Variants in ZNF683 observed in about 807,000 individuals in gnomAD.
ZNF683 encodes zinc finger protein 683.
A neutral mutation model predicts 31.4 loss-of-function variants in ZNF683; 20 were observed. The observed-to-expected ratio is 0.64, with a 90% CI of 0.45 to 0.93. ZNF683 has a LOEUF of 0.93. Ranked by LOEUF, ZNF683 falls within the 40% of genes least tolerant of loss-of-function variation. The pLI, the probability that ZNF683 is intolerant of heterozygous loss-of-function variation, is 0.00. For missense variants in ZNF683, 621 were observed against 637.2 expected (o/e 0.97, Z 0.27); for synonymous variants, 264 against 267.6 (o/e 0.99, Z 0.13).
chr1:26,363,892 C>G (rs7540204), intron 4 of ZNF683, among the ~76,000 whole-genome samples: 45,212 of 152,166 alleles, frequency 0.3, 7,323 homozygotes, highest in Non-Finnish European at 0.36. Flanking sequence ...CCTGCAGGAT[C>G]CAGCAGGGCT....
In ZNF683 at chr1:26,367,732, C is replaced by T; in HGVS notation, c.180G>A (p.Trp60Ter). The change falls in exon 3 of 6, where the codon TGG becomes TGA. Residue 60 changes from tryptophan (W) to a stop codon, truncating the protein, a stop_gained. Transcript: ENST00000349618. LOFTEE classifies it high-confidence loss of function. ...VDAHGPSCAS[W>*]LCPLPLAPGR... ...CCGGTGCCAGGGGCAAGGGACACAG[C>T]CAGCTGGCACAGGATGGGCCATGAG... 1 of 1,609,842 alleles carries T rather than the reference C, an allele frequency of 6.2e-7. No homozygotes were observed. Among genetic ancestry groups the T allele is most frequent in the South Asian group, 1.1e-5 (1 of 90,406 alleles).
rs1557735535 is a variant in ZNF683, at chr1:26,364,798, A to C, written c.748T>G (p.Trp250Gly). 1 of 1,290,152 alleles carries C rather than the reference A, an allele frequency of 7.8e-7. No individual in the cohort carries two copies. The highest frequency in any genetic ancestry group is 2.0e-5 in the Admixed American group (1 of 51,072). 79.9% of individuals were successfully genotyped at this position (1,290,152 alleles called of 1,614,324 possible). A position where few individuals can be genotyped will look rare whatever the true frequency, so the allele number is the denominator to read the frequency against. The change falls in exon 4 of 6, where the codon TGG becomes GGG. Residue 250 changes from tryptophan (W) to glycine (G), a missense_variant. Trp to Gly is a radical substitution (Grantham distance 184). Transcript: ENST00000349618. ...CCTGGGTAGGGAAGCAGGGTCTCCC[A>C]CCGAGCGCTGGGGTGCCCCAGCTCA... ...VNELGHPSAR[W>G]ETLLPYPGAF...
At chr1:26,364,196 G>C (rs906056091) in intron 4 of ZNF683, among the ~76,000 whole-genome samples, 2 of 152,234 alleles carry the variant, frequency 1.3e-5, no homozygotes, top group African/African-American at 4.8e-5. Context: ...GTCCAGGTAA[G>C]GGCTTTCTTT....
At chr1:26,370,306 T>C (rs929084020) in intron 1 of ZNF683, among the ~76,000 whole-genome samples, 13 of 152,102 alleles carry the variant, frequency 8.5e-5, no homozygotes, top group Admixed American at 3.9e-4. Flanking sequence ...CTCAGCGCTC[T>C]CACCAGGAAT....
chr1:26,368,405 CCTCCTACTATAAGCAGA>C (rs546583017), intron 2 of ZNF683, 36 bp downstream of exon 2: 119 of 1,483,834 alleles, frequency 8.0e-5, no homozygotes, highest in Middle Eastern at 5.4e-4. Flanking sequence ...CCTAATGTCA[CCTCCTACTATAAGCAGA>C]CTACCCACAA....
At position 26,365,051 on chromosome 1, in the gene ZNF683, C is replaced by A. The variant is rs1209847582; in HGVS notation, c.495G>T (p.Lys165Asn). The change falls in exon 4 of 6, where the codon AAG becomes AAT. Residue 165 changes from lysine to asparagine, a missense_variant. Physicochemically the swap from Lys to Asn is moderately conservative, Grantham distance 94. Coordinates refer to ENST00000349618, the MANE Select transcript of ZNF683 (RefSeq NM_001114759.3). ...GGCAGAAAGCCAAGGGGCTGGGGCT[C>A]TTTCTGTTCTGCAGCGGTGGTGGGG... ...SSSPPPLQNR[K>N]SPSPLAFCPC... The A allele has an allele frequency of 6.2e-7, 1 of 1,603,574 alleles. No homozygotes were observed. The highest frequency in any genetic ancestry group is 1.1e-5 in the South Asian group (1 of 89,358).
At chr1:26,363,002 A>G in intron 5 of ZNF683, 24 bp downstream of exon 5, 1 of 1,597,722 alleles carries the variant, frequency 6.3e-7, no homozygotes, top group Non-Finnish European at 8.5e-7. Context: ...ATAGGAGTAC[A>G]TAGTAGGGGG....
chr1:26,367,706 C>T lies in ZNF683; in HGVS notation c.206G>A (p.Gly69Asp). The T allele has an allele frequency of 6.2e-7, 1 of 1,612,148 alleles. No homozygotes were observed. The highest frequency in any genetic ancestry group is 8.5e-7 in the Non-Finnish European group (1 of 1,179,260). Reference protein sequence around the residue: ...SWLCPLPLAPGRSALLACLQD... With the variant: ...SWLCPLPLAPDRSALLACLQD... ...TAGGCAGGCCAGCAGTGCAGACCTGCCCGGTGCCAGGGGCAAGGGACACAG... is the reference window on the plus strand; with the variant it reads ...TAGGCAGGCCAGCAGTGCAGACCTGTCCGGTGCCAGGGGCAAGGGACACAG... Residue 69 changes from glycine (G) to aspartate (D), a missense_variant, in exon 3 of 6, where the codon GGC becomes GAC. Physicochemically the swap from Gly to Asp is moderately conservative, Grantham distance 94. Transcript: ENST00000349618.
At chr1:26,371,591 C>A (rs1038072960) in intron 1 of ZNF683, among the ~76,000 whole-genome samples, 3 of 148,636 alleles carry the variant, frequency 2.0e-5, no homozygotes, top group African/African-American at 7.6e-5. Context: ...CAGAGAAAGA[C>A]CCTGTCTCTT....
At chr1:26,366,105 G>A (rs1367808950) in intron 3 of ZNF683, among the ~76,000 whole-genome samples, 1 of 152,074 alleles carries the variant, frequency 6.6e-6, no homozygotes, top group Non-Finnish European at 1.5e-5. Flanking sequence ...ACTTGAACCC[G>A]GGAGGCAGAG....
chr1:26,368,605 G>GA lies in ZNF683; in HGVS notation c.-14-21dup. ...TACCTGCTGGGAAACAGGTGAGTTAGAGGTAAGCTGTGAAGGTCCTCCAAA... is the reference window on the plus strand; with the variant it reads ...TACCTGCTGGGAAACAGGTGAGTTAGAAGGTAAGCTGTGAAGGTCCTCCAAA... On this transcript the variant is annotated intron_variant, in intron 1 of 5. Coordinates refer to ENST00000349618, the MANE Select transcript of ZNF683 (RefSeq NM_001114759.3). 6.4e-7 allele frequency: 1 copy of GA among 1,569,150 alleles called. No individual in the cohort carries two copies. The highest frequency in any genetic ancestry group is 8.6e-7 in the Non-Finnish European group (1 of 1,158,900).
chr1:26,373,985 T>C (rs1459487410), upstream of ZNF683, among the ~76,000 whole-genome samples: 1 of 152,138 alleles, frequency 6.6e-6, no homozygotes, highest in Non-Finnish European at 1.5e-5. Context: ...CTCTGCCATC[T>C]CTTGGCCATG....
intron 3 of ZNF683, among the ~76,000 whole-genome samples, chr1:26,365,487 C>T (rs1306189708): frequency 6.6e-6 from 1 of 152,164 alleles, no homozygotes; most frequent in Admixed American, 6.5e-5. Context: ...AATCCAGGTG[C>T]CATGGGCACA....
intron 3 of ZNF683, 122 bp from the exon 4 acceptor site, chr1:26,365,348 G>T: frequency 9.5e-7 from 1 of 1,055,290 alleles, no homozygotes; most frequent in Non-Finnish European, 1.3e-6. Flanking sequence ...TAGCATTTCT[G>T]TAGTGCTGAA....
At chr1:26,366,176 G>A (rs1248702109) in intron 3 of ZNF683, among the ~76,000 whole-genome samples, 5 of 151,384 alleles carry the variant, frequency 3.3e-5, no homozygotes, top group African/African-American at 4.9e-5. Context: ...GCGAAACTCT[G>A]TTTCAAAAAA....
At chr1:26,362,777 G>A (rs539120675) in intron 5 of ZNF683, among the ~76,000 whole-genome samples, 3 of 152,200 alleles carry the variant, frequency 2.0e-5, no homozygotes, top group Non-Finnish European at 4.4e-5. Flanking sequence ...CAGGGAGGTA[G>A]ATAATGGGTA....
intron 5 of ZNF683, among the ~76,000 whole-genome samples, chr1:26,362,595 T>A (rs6690804): frequency 0.089 from 13,584 of 152,180 alleles, 630 homozygotes; most frequent in African/African-American, 0.1. Context: ...CCCGGACTCA[T>A]AATCATGGCA....
At chr1:26,368,698 C>A in intron 1 of ZNF683, 113 bp from the exon 2 acceptor site, 1 of 1,245,522 alleles carries the variant, frequency 8.0e-7, no homozygotes, top group Non-Finnish European at 1.1e-6. Context: ...ATTCATGTCC[C>A]TTCCTGGACT....
At chr1:26,362,249 C>T (rs1194821137) in intron 5 of ZNF683, 13 of 1,420,862 alleles carry the variant, frequency 9.1e-6, no homozygotes, top group Non-Finnish European at 9.7e-6. Context: ...AGTAACTTCT[C>T]CTCTCTGAGC....
Sources: allele counts gnomAD v4.1 joint callset (sites outside exome capture counted in the v4.1 genomes callset), GRCh38; gene constraint gnomAD v4.1.1; transcripts MANE v1.5; gene names NCBI Gene and HGNC (gene_info 2026-07-23, HGNC 2026-07-21).